The following PPP1R13B variants were observed in gnomAD, a reference collection of about 807,000 sequenced individuals.
The protein encoded by PPP1R13B is apoptosis-stimulating of p53 protein 1.
Under a neutral mutation model 119.8 loss-of-function variants are expected in PPP1R13B, and 44 were observed. The observed-to-expected ratio is 0.37, with a 90% CI of 0.29 to 0.47. The LOEUF (loss-of-function observed/expected upper bound fraction) is 0.47. Among genes scored for constraint, PPP1R13B ranks in the 20% least tolerant of loss-of-function variants. PPP1R13B has a pLI of 0.99. For missense variants in PPP1R13B, 1,227 were observed against 1,413.5 expected (o/e 0.87, Z 2.12); for synonymous variants, 542 against 561.5 (o/e 0.97, Z 0.49).
At chr14:103,756,367 G>C (rs886744434) in intron 5 of PPP1R13B, among the ~76,000 whole-genome samples, 14 of 152,164 alleles carry the variant, frequency 9.2e-5, no homozygotes, top group African/African-American at 3.4e-4. Flanking sequence ...TGGGATTACA[G>C]GTATAAGCCA....
At chr14:103,745,335 G>A (rs911584650) in intron 9 of PPP1R13B, among the ~76,000 whole-genome samples, 3 of 152,178 alleles carry the variant, frequency 2.0e-5, no homozygotes, top group Admixed American at 1.3e-4. Flanking sequence ...CCACAATCCC[G>A]AAAAAGGGGC....
chr14:103,779,033 A>T (rs2085276419), intron 3 of PPP1R13B, among the ~76,000 whole-genome samples: 1 of 152,198 alleles, frequency 6.6e-6, no homozygotes, highest in African/African-American at 2.4e-5. Context: ...CACACCTATA[A>T]TCCCAGCACT....
intron 1 of PPP1R13B, among the ~76,000 whole-genome samples, chr14:103,845,183 C>G (rs1432099382): frequency 1.3e-5 from 2 of 152,048 alleles, no homozygotes; most frequent in African/African-American, 4.8e-5. Context: ...TCATCATCAT[C>G]ATGATGAATA....
At chr14:103,777,091 C>T (rs2085220267) in intron 4 of PPP1R13B, among the ~76,000 whole-genome samples, 1 of 151,796 alleles carries the variant, frequency 6.6e-6, no homozygotes, top group South Asian at 2.1e-4. Context: ...CTCCTGGGTT[C>T]ATGTGATTCT....
At chr14:103,816,704 A>G (rs2086290946) in intron 1 of PPP1R13B, among the ~76,000 whole-genome samples, 1 of 151,356 alleles carries the variant, frequency 6.6e-6, no homozygotes, top group African/African-American at 2.4e-5. Context: ...CCTTTCATAT[A>G]TTTTTCCTTT....
At chr14:103,831,132 A>G (rs1483745170) in intron 1 of PPP1R13B, among the ~76,000 whole-genome samples, 2 of 151,848 alleles carry the variant, frequency 1.3e-5, no homozygotes. Context: ...TTTGGTAGAG[A>G]TGGGGTTTCA....
chr14:103,777,988 G>T (rs1264107684), intron 4 of PPP1R13B, among the ~76,000 whole-genome samples: 1 of 149,908 alleles, frequency 6.7e-6, no homozygotes, highest in African/African-American at 2.5e-5. Flanking sequence ...AATTTCGCTC[G>T]TTGCCCAGGC....
chr14:103,790,114 C>T (rs1010207408), intron 2 of PPP1R13B, among the ~76,000 whole-genome samples: 1 of 151,704 alleles, frequency 6.6e-6, no homozygotes, highest in East Asian at 1.9e-4. Flanking sequence ...GGCATGGTGG[C>T]GGGCGCCTAT....
chr14:103,797,169 T>C (rs1271049418), intron 2 of PPP1R13B: 7 of 457,968 alleles, frequency 1.5e-5, no homozygotes, highest in Non-Finnish European at 2.6e-5. Context: ...TTACATTTAT[T>C]TTAATTACTC....
chr14:103,768,491 G>A (rs188073600), intron 4 of PPP1R13B, among the ~76,000 whole-genome samples: 3 of 152,106 alleles, frequency 2.0e-5, no homozygotes, highest in East Asian at 3.9e-4. Context: ...TAGAGACAGG[G>A]TTTCACCATA....
chr14:103,848,395 G>A (rs2087124788), upstream of PPP1R13B: 14 of 985,332 alleles, frequency 1.4e-5, no homozygotes, highest in South Asian at 5.2e-4. Context: ...GGGCCTGAGC[G>A]CCGGAGTGAC....
intron 2 of PPP1R13B, among the ~76,000 whole-genome samples, chr14:103,785,361 G>A (rs1027172331): frequency 6.6e-6 from 1 of 152,060 alleles, no homozygotes; most frequent in African/African-American, 2.4e-5. Flanking sequence ...TGAAATCACA[G>A]GCATCCACCA....
chr14:103,842,704 G>A (rs377733627), intron 1 of PPP1R13B, among the ~76,000 whole-genome samples: 52 of 151,948 alleles, frequency 3.4e-4, no homozygotes, highest in Admixed American at 2.6e-4. Flanking sequence ...GGCCGGGCTC[G>A]GTGGCTCACA....
intron 2 of PPP1R13B, among the ~76,000 whole-genome samples, chr14:103,788,263 G>C (rs556045812): frequency 4.6e-5 from 7 of 152,144 alleles, no homozygotes; most frequent in South Asian, 2.1e-4. Flanking sequence ...TAGCTTCTTT[G>C]GCATGAGTCA....
intron 1 of PPP1R13B, among the ~76,000 whole-genome samples, chr14:103,817,042 A>C (rs1322585428): frequency 6.6e-6 from 1 of 152,246 alleles, no homozygotes; most frequent in Non-Finnish European, 1.5e-5. Flanking sequence ...GCTCAGAGTT[A>C]CTGTTCTTAA....
At chr14:103,763,506 GTTGAC>G (rs1162772590) in intron 4 of PPP1R13B, among the ~76,000 whole-genome samples, 1 of 151,926 alleles carries the variant, frequency 6.6e-6, no homozygotes, top group African/African-American at 2.4e-5. Context: ...TGAATAGAGA[GTTGAC>G]TTATTTTTAG....
intron 15 of PPP1R13B, 82 bp from the exon 16 acceptor site, chr14:103,736,284 G>A (rs1433900199): frequency 5.5e-6 from 8 of 1,454,630 alleles, no homozygotes; most frequent in South Asian, 4.7e-5. Flanking sequence ...GGACACAGTC[G>A]TGCTGCTGCC....
rs181807529 is a variant in PPP1R13B at position 103,840,379 on chromosome 14, A to C, written c.9+6920T>G. Among the ~76,000 whole-genome samples the C allele has an allele frequency of 1.2e-3, 176 of 152,384 alleles. 1 individual carries two copies. The highest frequency in any genetic ancestry group is 4.1e-3 in the African/African-American group (171 of 41,588). ...AGTTCTTATTTTGCTAAAAATCCTA[A>C]GAAACTGTTAATCCTAAAACCGTTC... On this transcript the variant is annotated intron_variant, in intron 1 of 16. Coordinates refer to ENST00000202556, the MANE Select transcript of PPP1R13B (RefSeq NM_015316.3).
At chr14:103,824,039 CTTTTTTTTTT>C (rs35194586) in intron 1 of PPP1R13B, among the ~76,000 whole-genome samples, 4 of 75,112 alleles carry the variant, frequency 5.3e-5, no homozygotes, top group Non-Finnish European at 7.3e-5. Context: ...CTACCTCATC[CTTTTTTTTTT>C]TTTTTTTTTT....
Sources: allele counts gnomAD v4.1 joint callset (sites outside exome capture counted in the v4.1 genomes callset), GRCh38; gene constraint gnomAD v4.1.1; transcripts MANE v1.5; gene names NCBI Gene and HGNC (gene_info 2026-07-23, HGNC 2026-07-21).